Variants in ESRP2 observed in about 807,000 individuals in gnomAD.
The protein encoded by ESRP2 is RNA binding motif protein 35A.
ESRP2 carries 48 observed loss-of-function variants against 78.6 expected under a neutral mutation model. That is an observed-to-expected ratio of 0.61 (90% CI 0.48 to 0.78). The LOEUF is 0.78. Among genes scored for constraint, ESRP2 ranks in the 30% least tolerant of loss-of-function variants. ESRP2 has a pLI of 0.00. For synonymous variants in ESRP2, 383 were observed against 406.7 expected, an observed-to-expected ratio of 0.94 and a Z score of 0.70; for missense variants, 863 against 965.9, an observed-to-expected ratio of 0.89 and a Z score of 1.41.
intron 3 of ESRP2, 33 bp downstream of exon 3, chr16:68,233,956 ACCACC>A (rs1471058259): frequency 3.7e-6 from 6 of 1,608,038 alleles, no homozygotes; most frequent in Middle Eastern, 1.7e-4. Context: ...AACCTTACTG[ACCACC>A]CCACCCCACC....
rs772977411 is a variant in ESRP2, at chr16:68,231,204, A to G, written c.1685T>C (p.Met562Thr). The change falls in exon 12 of 15, where the codon ATG (methionine) becomes ACG (threonine). Residue 562 changes from methionine (M) to threonine (T), a missense_variant. By Grantham distance (81) the Met-to-Thr change is moderately conservative. Transcript: ENST00000473183. This position sits in a 1 kb window ranked among gnomAD's most constrained non-coding sequence, Gnocchi z 6.0. ...LMGGTLGRSG[M>T]SPPPCKLPCL... The stretch of plus-strand genomic sequence containing the variant: ...GGGCAGCTTGCAGGGTGGAGGGGAC[A>G]TGCCACTGCGGCCCAAGGTGCCCCC... 1.1e-5 allele frequency: 18 copies of G among 1,613,374 alleles called. No individual in the cohort carries two copies. Among genetic ancestry groups the G allele is most frequent in the Non-Finnish European group, 1.5e-5 (18 of 1,179,958 alleles).
rs764625215 is a variant in ESRP2, at chr16:68,235,895, C to T, written c.151G>A (p.Asp51Asn). The T allele has an allele frequency of 6.2e-7, 1 of 1,611,190 alleles. No homozygotes were observed. ...LGRDLGSDET[D>N]LILLVWQVVE... ...ACTTGCCAAACTAGGAGGATTAAGT[C>T]GGTCTCGTCCGAGCCCAGGTCCCGT... The change falls in exon 1 of 15, where the codon GAC becomes AAC. Residue 51 changes from aspartate (D) to asparagine (N), a missense_variant. Coordinates refer to ENST00000473183, the MANE Select transcript of ESRP2 (RefSeq NM_024939.3). The surrounding 1 kb of genome is among the most constrained non-coding windows in gnomAD (Gnocchi z 5.5).
In ESRP2 at chr16:68,229,067, G is replaced by A. The variant is rs1167327879; in HGVS notation, c.*1159C>T. The A allele has an allele frequency of 6.6e-6, 1 of 152,194 alleles. No individual in the cohort carries two copies. Among genetic ancestry groups the A allele is most frequent in the Non-Finnish European group, 1.5e-5 (1 of 68,050 alleles). 9.4% of individuals were successfully genotyped at this position (152,194 alleles called of 1,614,324 possible). ...ATTGAAACCTTGTGTTTTATAAAAT[G>A]GATGTTTAGTAAAGGAACTGGTTCT... On this transcript the variant is annotated 3_prime_UTR_variant, in exon 15 of 15. Transcript: ENST00000473183.
rs1596930514 is a variant in ESRP2, at chr16:68,235,286, C to A, written c.327+348G>T. 1.0e-6 allele frequency: 1 copy of A among 985,152 alleles called. No individual in the cohort carries two copies. Among genetic ancestry groups the A allele is most frequent in the Non-Finnish European group, 1.2e-6 (1 of 829,824 alleles). 61.0% of individuals were successfully genotyped at this position (985,152 alleles called of 1,614,324 possible). A position where few individuals can be genotyped will look rare whatever the true frequency, so the allele number is the denominator to read the frequency against. On this transcript the variant is annotated intron_variant, in intron 2 of 14. Coordinates refer to ENST00000473183, the MANE Select transcript of ESRP2 (RefSeq NM_024939.3). The surrounding 1 kb of genome is among the most constrained non-coding windows in gnomAD (Gnocchi z 5.5). ...CCTATATGGGCCCCTCGACCCCTTT[C>A]GCTTCCGGCTGCGGCTCAGGGAGAC...
In ESRP2 at chr16:68,232,085, G is replaced by A. The variant is rs777968585; in HGVS notation, c.1016C>T (p.Ala339Val). Residue 339 changes from alanine to valine, a missense_variant, in exon 10 of 15, where the codon GCT becomes GTT. Ala to Val is a moderately conservative substitution (Grantham distance 64). Transcript: ENST00000473183. This position sits in a 1 kb window ranked among gnomAD's most constrained non-coding sequence, Gnocchi z 5.2. ...TTGGTCTTCCCGTGACAAGAAACGA[G>A]CCACCTCTAGTGATGTGCCTGTGTA... is the stretch of plus-strand genomic sequence containing the variant. ...KIAGGTSLEV[A>V]RFLSREDQVI... is the part of the protein sequence containing the mutation. The A allele has an allele frequency of 1.9e-6, 3 of 1,613,226 alleles. No homozygotes were observed. The highest frequency in any genetic ancestry group is 2.5e-6 in the Non-Finnish European group (3 of 1,179,498).
rs761184883 is a variant in ESRP2, at chr16:68,232,129, T to C, written c.998-26A>G. The stretch of plus-strand genomic sequence containing the variant: ...CTGTGTATGAGAGTCGCCTGCTGAC[T>C]TCACTCATGCTCCTCCAGACACTCA... On this transcript the variant is annotated intron_variant, in intron 9 of 14. Coordinates refer to ENST00000473183, the MANE Select transcript of ESRP2 (RefSeq NM_024939.3). The surrounding 1 kb of genome is among the most constrained non-coding windows in gnomAD (Gnocchi z 5.2). 1.2e-6 allele frequency: 2 copies of C among 1,609,986 alleles called. No individual in the cohort carries two copies. Among genetic ancestry groups the C allele is most frequent in the Non-Finnish European group, 1.7e-6 (2 of 1,177,182 alleles).
rs375177301 is a variant in ESRP2, at chr16:68,232,257, T to A, written c.986A>T (p.Lys329Met). Residue 329 changes from lysine to methionine, a missense_variant, in exon 9 of 15, where the codon AAG becomes ATG. Physicochemically the swap from Lys to Met is moderately conservative, Grantham distance 95. Transcript: ENST00000473183. This position sits in a 1 kb window ranked among gnomAD's most constrained non-coding sequence, Gnocchi z 5.2. The stretch of plus-strand genomic sequence containing the variant: ...TGCAGTATACTCACCCCCTGCAATC[T>A]TTACAAACTCCTCCCCTGTCGCTTT... ...VYKATGEEFV[K>M]IAGGTSLEVA... 1.9e-6 allele frequency: 3 copies of A among 1,614,012 alleles called. No individual in the cohort carries two copies. Among genetic ancestry groups the A allele is most frequent in the Non-Finnish European group, 1.7e-6 (2 of 1,180,018 alleles).
chr16:68,233,423 A>T lies in ESRP2; in HGVS notation c.559T>A (p.Leu187Ile), dbSNP rs2042174553. 1.2e-6 allele frequency: 2 copies of T among 1,611,942 alleles called. No individual in the cohort carries two copies. Among genetic ancestry groups the T allele is most frequent in the Admixed American group, 1.7e-5 (1 of 60,020 alleles). ...DLTVATMAQG[L>I]GLETDATEDD... is the part of the protein sequence containing the mutation. ...TCTGTGGCATCTGTCTCCAGTCCTA[A>T]ACCTATGGGCAGAGAAGTGACAGTG... Residue 187 changes from leucine to isoleucine, a missense_variant and splice_region_variant, in exon 5 of 15, where the codon TTA becomes ATA. Coordinates refer to ENST00000473183, the MANE Select transcript of ESRP2 (RefSeq NM_024939.3).
rs1161014654 is a variant in ESRP2 at position 68,232,256 on chromosome 16, C to A, written c.987G>T (p.Lys329Asn). The A allele has an allele frequency of 6.8e-6, 11 of 1,614,042 alleles. No individual in the cohort carries two copies. Among genetic ancestry groups the A allele is most frequent in the Non-Finnish European group, 9.3e-6 (11 of 1,180,038 alleles). Residue 329 changes from lysine (K) to asparagine (N), a missense_variant, in exon 9 of 15, where the codon AAG (lysine) becomes AAT (asparagine). Coordinates refer to ENST00000473183, the MANE Select transcript of ESRP2 (RefSeq NM_024939.3). This position sits in a 1 kb window ranked among gnomAD's most constrained non-coding sequence, Gnocchi z 5.2. ...VYKATGEEFV[K>N]IAGGTSLEVA... ...TTGCAGTATACTCACCCCCTGCAAT[C>A]TTTACAAACTCCTCCCCTGTCGCTT...
rs2042099780 is a variant in ESRP2 at position 68,229,687 on chromosome 16, T to C, written c.*539A>G. ...TAGCATCTTTAGGTGGGACCACCCC[T>C]GGCACAACATGGTCTCTGAGGTCCA... On this transcript the variant is annotated 3_prime_UTR_variant, in exon 15 of 15. Transcript: ENST00000473183. The C allele has an allele frequency of 6.4e-6, 1 of 157,376 alleles. No individual in the cohort carries two copies. 9.7% of individuals were successfully genotyped at this position (157,376 alleles called of 1,614,324 possible). A position where few individuals can be genotyped will look rare whatever the true frequency, so the allele number is the denominator to read the frequency against.
rs1265141139 is a variant in ESRP2, at chr16:68,232,121, C to T, written c.998-18G>A. ...TGATGTGCCTGTGTATGAGAGTCGC[C>T]TGCTGACTTCACTCATGCTCCTCCA... On this transcript the variant is annotated intron_variant, in intron 9 of 14. Transcript: ENST00000473183. This position sits in a 1 kb window ranked among gnomAD's most constrained non-coding sequence, Gnocchi z 5.2. 9 of 1,609,962 alleles carry T rather than the reference C, an allele frequency of 5.6e-6. No homozygotes were observed. The highest frequency in any genetic ancestry group is 1.6e-4 in the Middle Eastern group (1 of 6,074).
chr16:68,233,911 G>T (rs375058186), intron 3 of ESRP2, 29 bp from the exon 4 acceptor site: 1 of 1,595,644 alleles, frequency 6.3e-7, no homozygotes, highest in Non-Finnish European at 8.6e-7. Flanking sequence ...GAGGATGAGC[G>T]CCCTGCCCAC....
At chr16:68,230,695 CT>C in intron 13 of ESRP2, 141 bp from the exon 14 acceptor site, 2 of 1,420,268 alleles carry the variant, frequency 1.4e-6, no homozygotes, top group Non-Finnish European at 1.9e-6. Context: ...CATTTTCGAT[CT>C]GTTTTGTAGA....
chr16:68,235,519 A>T lies in ESRP2; in HGVS notation c.327+115T>A. The T allele has an allele frequency of 6.8e-7, 1 of 1,481,002 alleles. No individual in the cohort carries two copies. Among genetic ancestry groups the T allele is most frequent in the South Asian group, 1.4e-5 (1 of 74,048 alleles). The allele number at this position is 1,481,002 out of a possible 1,614,324, so 91.7% of individuals were successfully genotyped here. The stretch of plus-strand genomic sequence containing the variant: ...CGCTCAAAGTTTCAAACAAGAGCCC[A>T]GTCCTGCCGCCTGGACCGGTTGGTT... On this transcript the variant is annotated intron_variant, in intron 2 of 14. Coordinates refer to ENST00000473183, the MANE Select transcript of ESRP2 (RefSeq NM_024939.3). The surrounding 1 kb of genome is among the most constrained non-coding windows in gnomAD (Gnocchi z 5.5).
chr16:68,231,166 TAGGGCACTCAC>T lies in ESRP2; in HGVS notation c.1711+1_1711+11del. On this transcript the variant is annotated splice_donor_variant and splice_donor_5th_base_variant and intron_variant, in intron 12 of 14. Transcript: ENST00000473183. LOFTEE classifies it high-confidence loss of function. This position sits in a 1 kb window ranked among gnomAD's most constrained non-coding sequence, Gnocchi z 6.0. ...ACAGGCCTCCTCCTCCCCTAGCCCC[TAGGGCACTCAC>T]AGGGCAGCTTGCAGGGTGGAGGGGA... is the stretch of plus-strand genomic sequence containing the variant. The T allele has an allele frequency of 6.2e-7, 1 of 1,612,764 alleles. No individual in the cohort carries two copies. Among genetic ancestry groups the T allele is most frequent in the Non-Finnish European group, 8.5e-7 (1 of 1,179,812 alleles).
intron 5 of ESRP2, 86 bp downstream of exon 5, chr16:68,233,241 G>T: frequency 2.2e-6 from 2 of 893,666 alleles, no homozygotes; most frequent in East Asian, 4.8e-5. Flanking sequence ...TTCCCCCGTG[G>T]TCTCTTAGAG....
At chr16:68,234,896 C>T (rs1209271972) in intron 2 of ESRP2, 1 of 156,108 alleles carries the variant, frequency 6.4e-6, no homozygotes, top group Non-Finnish European at 1.4e-5. Context: ...GGTGCCTCCT[C>T]ATCAGGAACC....
rs547646233 is a variant in ESRP2 at position 68,230,457 on chromosome 16, C to T, written c.1996G>A (p.Val666Ile). Residue 666 changes from valine (V) to isoleucine (I), a missense_variant, in exon 14 of 15, where the codon GTC becomes ATC. By Grantham distance (29) the Val-to-Ile change is conservative. Coordinates refer to ENST00000473183, the MANE Select transcript of ESRP2 (RefSeq NM_024939.3). Reference sequence around the variant, plus strand: ...GTGTATGGGACACCCTGCATGCGGACCAAGGCTCCTGACTGGGACAACACT... The same window carrying T: ...GTGTATGGGACACCCTGCATGCGGATCAAGGCTCCTGACTGGGACAACACT... Reference protein sequence around the residue: ...TSVLSQSGALVRMQGVPYTAG... With the variant: ...TSVLSQSGALIRMQGVPYTAG... 3 of 1,612,866 alleles carry T rather than the reference C, an allele frequency of 1.9e-6. No individual in the cohort carries two copies. The highest frequency in any genetic ancestry group is 2.2e-5 in the East Asian group (1 of 44,860).
Position 68,231,082 on chromosome 16 carries a change from G to A in ESRP2, c.1712-55C>T. Reference sequence around the variant, plus strand: ...ACGGAGCCCAGCACTGCCCTGGGTGGGGTAGCCAGAAAGGAGTCCCCGCTA... The same window carrying A: ...ACGGAGCCCAGCACTGCCCTGGGTGAGGTAGCCAGAAAGGAGTCCCCGCTA... On this transcript the variant is annotated intron_variant, in intron 12 of 14. Transcript: ENST00000473183. The surrounding 1 kb of genome is among the most constrained non-coding windows in gnomAD (Gnocchi z 6.0). 6.3e-7 allele frequency: 1 copy of A among 1,597,486 alleles called. No homozygotes were observed. Among genetic ancestry groups the A allele is most frequent in the Non-Finnish European group, 8.6e-7 (1 of 1,168,652 alleles).
Sources: gnomAD v4.1 joint callset for allele counts on GRCh38, gnomAD v4.1.1 for gene constraint, Gnocchi (gnomAD v3.1) non-coding constraint, MANE v1.5 for transcripts, NCBI Gene and HGNC (gene_info 2026-07-23, HGNC 2026-07-21) for gene names.